Variants in COPB1 observed in about 807,000 individuals in gnomAD.
The protein encoded by COPB1 is coat protein complex I subunit beta 1.
COPB1 carries 21 observed loss-of-function variants against 108.7 expected under a neutral mutation model. The observed-to-expected ratio is 0.19, with a 90% CI of 0.14 to 0.28. The LOEUF (loss-of-function observed/expected upper bound fraction) is 0.28, where lower values mean the gene tolerates loss of function less well. Ranked by LOEUF, COPB1 falls within the 10% of genes least tolerant of loss-of-function variation. The pLI is 1.00. For missense variants in COPB1, 919 were observed against 1,141.3 expected (o/e 0.81, Z 2.81); for synonymous variants, 378 against 386.8 (o/e 0.98, Z 0.27).
intron 20 of COPB1, 158 bp downstream of exon 20, chr11:14,460,050 G>A: frequency 1.8e-6 from 1 of 557,706 alleles, no homozygotes; most frequent in South Asian, 2.4e-5. Context: ...AATAGAAAGA[G>A]GTAAGCAGAT....
At position 14,457,961 on chromosome 11, in the gene COPB1, A is replaced by T. The variant is rs946700510; in HGVS notation, c.2803-78T>A. 10 of 762,090 alleles carry T rather than the reference A, an allele frequency of 1.3e-5. No homozygotes were observed. In the South Asian group the frequency reaches 1.5e-4, roughly 11 times the overall value. 47.2% of individuals were successfully genotyped at this position (762,090 alleles called of 1,614,324 possible). A position where few individuals can be genotyped will look rare whatever the true frequency, so the allele number is the denominator to read the frequency against. On this transcript the variant is annotated intron_variant, in intron 21 of 21. Transcript: ENST00000439561. ...AGGTTATTCCATATTATTAAGCCCC[A>T]ATTCAATTCAATGACACCATTATCA...
intron 18 of COPB1, among the ~76,000 whole-genome samples, chr11:14,462,951 TCTACA>T (rs1850192760): frequency 6.6e-6 from 1 of 152,190 alleles, no homozygotes; most frequent in East Asian, 1.9e-4. Flanking sequence ...CTCAGAATAG[TCTACA>T]CTACCTGTAT....
intron 11 of COPB1, among the ~76,000 whole-genome samples, chr11:14,477,289 C>G (rs1850541952): frequency 6.7e-6 from 1 of 149,714 alleles, no homozygotes; most frequent in South Asian, 2.1e-4. Context: ...GAGGCTGAGG[C>G]AGGAGAATGG....
intron 18 of COPB1, among the ~76,000 whole-genome samples, chr11:14,463,027 T>C (rs553568559): frequency 7.2e-5 from 11 of 152,328 alleles, no homozygotes; most frequent in African/African-American, 2.6e-4. Flanking sequence ...CCACAAGAAA[T>C]GTTTTAAAAT....
chr11:14,469,212 G>T (rs559737743), intron 15 of COPB1, 124 bp downstream of exon 15: 3 of 788,456 alleles, frequency 3.8e-6, no homozygotes, highest in African/African-American at 3.4e-5. Context: ...GCCCACACTG[G>T]TCTCAAACAC....
chr11:14,464,869 TAA>T (rs749533469), intron 18 of COPB1, 40 bp downstream of exon 18: 4 of 1,591,302 alleles, frequency 2.5e-6, no homozygotes, highest in Non-Finnish European at 3.4e-6. Context: ...AATTCTTCAG[TAA>T]AAGTATTCAA....
intron 11 of COPB1, among the ~76,000 whole-genome samples, chr11:14,477,732 T>C (rs1218714020): frequency 6.6e-6 from 1 of 151,704 alleles, no homozygotes; most frequent in Non-Finnish European, 1.5e-5. Context: ...TCGTCTCTAC[T>C]GAAAATACAA....
chr11:14,469,219 A>G, intron 15 of COPB1, 117 bp downstream of exon 15: 1 of 835,176 alleles, frequency 1.2e-6, no homozygotes, highest in East Asian at 2.4e-5. Flanking sequence ...CTGGTCTCAA[A>G]CACCTGGCCC....
chr11:14,471,446 A>C (rs1850400112), intron 14 of COPB1, among the ~76,000 whole-genome samples: 1 of 152,216 alleles, frequency 6.6e-6, no homozygotes, highest in Non-Finnish European at 1.5e-5. Context: ...AATGTTGGAG[A>C]CTTTTAAAAA....
chr11:14,470,836 C>CAT (rs772990071), intron 14 of COPB1, among the ~76,000 whole-genome samples: 8 of 151,610 alleles, frequency 5.3e-5, no homozygotes, highest in Non-Finnish European at 1.2e-4. Flanking sequence ...CACACTAAGG[C>CAT]ATATCCTAAT....
chr11:14,489,314 G>A (rs997944187), intron 5 of COPB1, among the ~76,000 whole-genome samples: 6 of 152,178 alleles, frequency 3.9e-5, no homozygotes, highest in Non-Finnish European at 7.4e-5. Flanking sequence ...AAAACAGTAT[G>A]GCACTTCCTA....
intron 7 of COPB1, among the ~76,000 whole-genome samples, chr11:14,483,562 A>C (rs1934452347): frequency 6.6e-6 from 1 of 152,204 alleles, no homozygotes; most frequent in Non-Finnish European, 1.5e-5. Flanking sequence ...TCTGCATTGC[A>C]GTACACAAAC....
chr11:14,475,901 T>C lies in COPB1; in HGVS notation c.1500A>G (p.Leu500=). 1.2e-6 allele frequency: 2 copies of C among 1,612,786 alleles called. No individual in the cohort carries two copies. Among genetic ancestry groups the C allele is most frequent in the Non-Finnish European group, 8.5e-7 (1 of 1,179,652 alleles). Residue 500 remains leucine, a synonymous_variant, in exon 13 of 22, where the codon TTA becomes TTG. Transcript: ENST00000439561. ...CTACAGTTATTTCTTCTTCAGGTTT[T>C]AATTCACCAGCTTCTTTCTTTATTT... ...ESEIKKEAGE[L]KPEEEITVGP...
At chr11:14,498,330 T>A (rs572621844) in intron 2 of COPB1, among the ~76,000 whole-genome samples, 1 of 152,328 alleles carries the variant, frequency 6.6e-6, no homozygotes, top group East Asian at 1.9e-4. Flanking sequence ...TACAAAAAGT[T>A]CAGAAATATA....
rs542796612 is a variant in COPB1 at position 14,475,067 on chromosome 11, G to A, written c.1617-452C>T. 4.8e-4 allele frequency among the ~76,000 whole-genome samples: 67 copies of A among 140,302 alleles called. 3 individuals are homozygous for A. The South Asian group carries it at 0.012, about 26-fold the overall frequency. The allele number at this position is 140,302 out of a possible 152,430, so 92.0% of individuals were successfully genotyped here. A position where few individuals can be genotyped will look rare whatever the true frequency, so the allele number is the denominator to read the frequency against. ...CATGATCGCGCCACTGCACTCTAGC[G>A]TGGCCGACAGAGCAAGACTCTGTGT... On this transcript the variant is annotated intron_variant, in intron 13 of 21. Transcript: ENST00000439561.
chr11:14,481,680 C>G (rs1850662300), intron 8 of COPB1, among the ~76,000 whole-genome samples: 1 of 152,182 alleles, frequency 6.6e-6, no homozygotes, highest in Non-Finnish European at 1.5e-5. Flanking sequence ...GAAAATGTAA[C>G]ATTTAAAAGA....
At chr11:14,477,107 G>C (rs1188958150) in intron 11 of COPB1, 92 bp from the exon 12 acceptor site, 2 of 936,648 alleles carry the variant, frequency 2.1e-6, no homozygotes, top group Non-Finnish European at 3.5e-6. Flanking sequence ...ATAAAAACAA[G>C]GGCCAGGCAC....
chr11:14,459,093 A>G (rs1202027126), intron 20 of COPB1, among the ~76,000 whole-genome samples: 4 of 152,216 alleles, frequency 2.6e-5, no homozygotes, highest in Non-Finnish European at 4.4e-5. Context: ...CACTTAAAAC[A>G]GTACTTACAT....
At chr11:14,489,717 A>C (rs1850853379) in intron 5 of COPB1, among the ~76,000 whole-genome samples, 1 of 152,168 alleles carries the variant, frequency 6.6e-6, no homozygotes, top group South Asian at 2.1e-4. Context: ...AGGGACTGGG[A>C]GGAAGTGGTA....
Sources: allele counts gnomAD v4.1 joint callset (sites outside exome capture counted in the v4.1 genomes callset), GRCh38; gene constraint gnomAD v4.1.1; transcripts MANE v1.5; gene names NCBI Gene and HGNC (gene_info 2026-07-23, HGNC 2026-07-21).